The following PPP5C variants were observed in gnomAD, a reference collection of about 807,000 sequenced individuals.
The protein encoded by PPP5C is serine/threonine-protein phosphatase 5.
In PPP5C, 21 loss-of-function variants were observed where a neutral mutation model predicts 66.7. That is an observed-to-expected ratio of 0.31 (90% CI 0.22 to 0.45). The LOEUF (loss-of-function observed/expected upper bound fraction) is 0.45, where lower values mean the gene tolerates loss of function less well. Ranked by LOEUF, PPP5C falls within the 20% of genes least tolerant of loss-of-function variation. The pLI, the probability that PPP5C is intolerant of heterozygous loss-of-function variation, is 1.00. For missense variants in PPP5C, 464 were observed against 675.9 expected, an observed-to-expected ratio of 0.69 and a Z score of 3.48; for synonymous variants, 246 against 257.4, an observed-to-expected ratio of 0.96 and a Z score of 0.43.
intron 2 of PPP5C, among the ~76,000 whole-genome samples, chr19:46,367,679 C>A (rs75240514): frequency 6.6e-6 from 1 of 152,152 alleles, no homozygotes; most frequent in Non-Finnish European, 1.5e-5. Context: ...CTGGACCTTA[C>A]GGTGGGAACC....
Position 46,383,007 on chromosome 19 carries a change from CCTTTTTACCT to C in PPP5C, c.634-393_634-384del, listed in dbSNP as rs767582677. 3.0e-4 allele frequency: 329 copies of C among 1,084,876 alleles called. 4 individuals carry two copies. The South Asian group carries it at 4.9e-3, about 16-fold the overall frequency. The allele number at this position is 1,084,876 out of a possible 1,614,324, so 67.2% of individuals were successfully genotyped here. On this transcript the variant is annotated intron_variant, in intron 4 of 12. Transcript: ENST00000012443. This position sits in a 1 kb window ranked among gnomAD's most constrained non-coding sequence, Gnocchi z 5.0. ...AAGCACCAGTGTTGCCTATGACCTG[CCTTTTTACCT>C]CTTTTTACCTAGAAAGTCTCACTTC...
At chr19:46,381,594 C>G (rs1228731889) in intron 4 of PPP5C, 8 of 152,160 alleles carry the variant, frequency 5.3e-5, no homozygotes, top group South Asian at 4.1e-4. Context: ...AAAAAAAATA[C>G]AAAAATTAGC....
At chr19:46,382,903 T>C (rs1327965741) in intron 4 of PPP5C, 1 of 1,076,056 alleles carries the variant, frequency 9.3e-7, no homozygotes, top group Admixed American at 4.9e-5. Flanking sequence ...TTTCTAGACA[T>C]CTATTAGTAT....
chr19:46,357,788 T>C (rs1341867055), intron 2 of PPP5C, among the ~76,000 whole-genome samples: 2 of 152,216 alleles, frequency 1.3e-5, no homozygotes, highest in Non-Finnish European at 2.9e-5. Flanking sequence ...AGTGCAGAGC[T>C]TCCGCGCCCT....
intron 3 of PPP5C, 152 bp downstream of exon 3, chr19:46,375,903 C>G (rs1053633126): frequency 1.5e-6 from 2 of 1,329,766 alleles, no homozygotes; most frequent in Non-Finnish European, 2.0e-6. Context: ...CCAGGGCGCT[C>G]CATCCACAGC....
chr19:46,377,750 G>T (rs1972721269), intron 4 of PPP5C, among the ~76,000 whole-genome samples: 1 of 152,120 alleles, frequency 6.6e-6, no homozygotes, highest in African/African-American at 2.4e-5. Context: ...ATGTCATATG[G>T]GCTTACAGCG....
intron 6 of PPP5C, 57 bp from the exon 7 acceptor site, chr19:46,384,747 C>A: frequency 4.4e-6 from 6 of 1,353,256 alleles, no homozygotes; most frequent in Non-Finnish European, 6.3e-6. Flanking sequence ...CCACCCCCAA[C>A]CCCACCGCAC....
At chr19:46,365,275 G>A (rs963683119) in intron 2 of PPP5C, among the ~76,000 whole-genome samples, 2 of 152,000 alleles carry the variant, frequency 1.3e-5, no homozygotes, top group African/African-American at 4.8e-5. Context: ...GAGCCACCAT[G>A]CCCAGCTAAT....
chr19:46,376,608 A>G lies in PPP5C; in HGVS notation c.633+34A>G. On this transcript the variant is annotated intron_variant, in intron 4 of 12. Coordinates refer to ENST00000012443, the MANE Select transcript of PPP5C (RefSeq NM_006247.4). This position sits in a 1 kb window ranked among gnomAD's most constrained non-coding sequence, Gnocchi z 5.1. ...TCTGTCAGGTACTGGGCACCCGGGA[A>G]CCCTGGGATGGCATCACAGCACTGC... The G allele has an allele frequency of 6.2e-7, 1 of 1,607,132 alleles. No individual in the cohort carries two copies. The highest frequency in any genetic ancestry group is 8.5e-7 in the Non-Finnish European group (1 of 1,176,014).
chr19:46,354,053 G>A (rs964384834), intron 2 of PPP5C, 64 bp downstream of exon 2: 60 of 1,570,030 alleles, frequency 3.8e-5, no homozygotes, highest in East Asian at 9.2e-5. Flanking sequence ...CTGGGCTGGC[G>A]GGGACGGGTG....
chr19:46,383,088 G>A lies in PPP5C; in HGVS notation c.634-323G>A, dbSNP rs1208528633. Reference sequence around the variant, plus strand: ...TGACAGTGACATTGCGCTGTGTCCAGGCCAGTTCTTTTATAAAATGTTCTA... The same window carrying A: ...TGACAGTGACATTGCGCTGTGTCCAAGCCAGTTCTTTTATAAAATGTTCTA... On this transcript the variant is annotated intron_variant, in intron 4 of 12. Coordinates refer to ENST00000012443, the MANE Select transcript of PPP5C (RefSeq NM_006247.4). This position sits in a 1 kb window ranked among gnomAD's most constrained non-coding sequence, Gnocchi z 5.0. The A allele has an allele frequency of 3.4e-5, 40 of 1,186,590 alleles. No homozygotes were observed. Among genetic ancestry groups the A allele is most frequent in the Non-Finnish European group, 4.2e-5 (39 of 919,730 alleles). 73.5% of individuals were successfully genotyped at this position (1,186,590 alleles called of 1,614,324 possible).
chr19:46,366,463 A>G (rs1362187320), intron 2 of PPP5C, among the ~76,000 whole-genome samples: 2 of 151,936 alleles, frequency 1.3e-5, no homozygotes, highest in Non-Finnish European at 2.9e-5. Context: ...CTCCCACCTC[A>G]GCCTCCCAAG....
In PPP5C at chr19:46,353,755, C is replaced by T. The variant is rs906188983; in HGVS notation, c.129C>T (p.Asp43=). ...TQANDYFKAK[D]YENAIKFYSQ... ...CTTCTTCTGTCTCCGCAGCCAAGGACTACGAGAACGCCATCAAGTTCTACA... is the reference window on the plus strand; with the variant it reads ...CTTCTTCTGTCTCCGCAGCCAAGGATTACGAGAACGCCATCAAGTTCTACA... Residue 43 remains aspartate, a synonymous_variant, in exon 2 of 13, where the codon GAC becomes GAT. Transcript: ENST00000012443. 5.6e-6 allele frequency: 9 copies of T among 1,614,048 alleles called. No homozygotes were observed. The highest frequency in any genetic ancestry group is 7.6e-6 in the Non-Finnish European group (9 of 1,180,044).
At chr19:46,381,922 G>A (rs1232417282) in intron 4 of PPP5C, 1 of 152,156 alleles carries the variant, frequency 6.6e-6, no homozygotes, top group East Asian at 1.9e-4. Flanking sequence ...CAGAGCTTGG[G>A]ATCTTAGCCC....
chr19:46,355,090 C>T (rs1161052989), intron 2 of PPP5C, among the ~76,000 whole-genome samples: 1 of 152,242 alleles, frequency 6.6e-6, no homozygotes, highest in Non-Finnish European at 1.5e-5. Flanking sequence ...GGTGAAGTCA[C>T]CTGCCCAGTG....
chr19:46,354,245 A>G (rs746951217), intron 2 of PPP5C, among the ~76,000 whole-genome samples: 2 of 152,202 alleles, frequency 1.3e-5, no homozygotes, highest in Non-Finnish European at 2.9e-5. Flanking sequence ...GAGGAGAACA[A>G]GAGGATCAGC....
In PPP5C at chr19:46,371,295, C is replaced by T. The variant is rs541480569; in HGVS notation, c.364-4309C>T. Among the ~76,000 whole-genome samples the T allele has an allele frequency of 3.9e-5, 6 of 152,266 alleles. No individual in the cohort carries two copies. The South Asian group carries it at 1.0e-3, about 26-fold the overall frequency. ...AGTCCAGCACAGTCAGTTAGAAATG[C>T]GTGTTGCCTTGCAAGCGGATACTAG... On this transcript the variant is annotated intron_variant, in intron 2 of 12. Transcript: ENST00000012443.
chr19:46,384,748 C>A, intron 6 of PPP5C, 56 bp from the exon 7 acceptor site: 4 of 1,401,454 alleles, frequency 2.9e-6, no homozygotes, highest in African/African-American at 1.4e-5. Flanking sequence ...CACCCCCAAC[C>A]CCACCGCACC....
chr19:46,363,034 G>A (rs971107248), intron 2 of PPP5C, among the ~76,000 whole-genome samples: 2 of 151,150 alleles, frequency 1.3e-5, no homozygotes, highest in African/African-American at 4.9e-5. Flanking sequence ...TGATCCGCCT[G>A]CCTTGGCCTC....
Sources: gnomAD v4.1 joint callset for allele counts (sites outside exome capture counted in the v4.1 genomes callset) on GRCh38, gnomAD v4.1.1 for gene constraint, Gnocchi (gnomAD v3.1) non-coding constraint, MANE v1.5 for transcripts, NCBI Gene and HGNC (gene_info 2026-07-23, HGNC 2026-07-21) for gene names.